PIR: variants seen among roughly 807,000 people sequenced by gnomAD.
The protein encoded by PIR is pirin, also known as pirin (iron-binding nuclear protein).
In PIR, 22 loss-of-function variants were observed where a neutral mutation model predicts 24.2. The observed-to-expected ratio is 0.91, with a 90% CI of 0.65 to 1.30. The LOEUF (loss-of-function observed/expected upper bound fraction) is 1.30. Among genes scored for constraint, PIR ranks in the 50% most tolerant of loss-of-function variants. The pLI is 0.00. For synonymous variants in PIR, 80 were observed against 79.6 expected, an observed-to-expected ratio of 1.00 and a Z score of -0.03; for missense variants, 220 against 220.3, an observed-to-expected ratio of 1.00 and a Z score of 0.01.
chrX:15,450,739 G>A (rs1201940385), intron 5 of PIR, among the ~76,000 whole-genome samples: 1 of 111,974 alleles, frequency 8.9e-6, no homozygotes, highest in South Asian at 3.7e-4. Context: ...ACCCACTGCC[G>A]TTTGCATGTG....
At chrX:15,461,184 C>A (rs982414290) in intron 3 of PIR, among the ~76,000 whole-genome samples, 2 of 111,696 alleles carry the variant, frequency 1.8e-5, no homozygotes, top group Middle Eastern at 4.2e-3. Flanking sequence ...TCCTGTTGAA[C>A]CAGCAGGGTC....
intron 5 of PIR, among the ~76,000 whole-genome samples, chrX:15,449,617 G>T (rs940213120): frequency 8.9e-6 from 1 of 111,750 alleles, no homozygotes. Flanking sequence ...AAGAAATAAT[G>T]GCCATCCAAT....
intron 5 of PIR, among the ~76,000 whole-genome samples, chrX:15,434,427 G>A (rs1309810450): frequency 9.1e-6 from 1 of 110,007 alleles, no homozygotes; most frequent in Non-Finnish European, 1.9e-5. Flanking sequence ...GGAGGAAGGA[G>A]GAGGAGGAAG....
At chrX:15,457,904 G>A (rs1347401709) in intron 4 of PIR, among the ~76,000 whole-genome samples, 1 of 112,294 alleles carries the variant, frequency 8.9e-6, no homozygotes, top group Admixed American at 9.4e-5. Flanking sequence ...GTCTATGTCT[G>A]CTTTCATGCT....
At chrX:15,491,680 T>C (rs1279318887) in intron 1 of PIR, among the ~76,000 whole-genome samples, 1 of 112,003 alleles carries the variant, frequency 8.9e-6, no homozygotes, top group East Asian at 2.8e-4. Context: ...TATAATGCCA[T>C]ATTTTTACTG....
Position 15,455,986 on chromosome X carries a change from T to C in PIR, c.342A>G (p.Leu114=), listed in dbSNP as rs754485471. Residue 114 remains leucine (L), a synonymous_variant, in exon 5 of 10, where the codon CTA becomes CTG. Transcript: ENST00000380420. ...MPCSEEPAHG[L]QLWVNLRSSE... ...AGCTCCTCAAATTAACCCACAGTTG[T>C]AGGCCATGGGCTGGCTCCTCTGAGC... 2 of 1,211,505 alleles carry C rather than the reference T, an allele frequency of 1.7e-6. No homozygotes were observed. Among genetic ancestry groups the C allele is most frequent in the Non-Finnish European group, 2.2e-6 (2 of 895,001 alleles).
intron 3 of PIR, among the ~76,000 whole-genome samples, chrX:15,477,664 A>G (rs1922266730): frequency 1.7e-5 from 1 of 59,960 alleles, no homozygotes; most frequent in Non-Finnish European, 3.0e-5. Context: ...CAGTGAAATT[A>G]CCCACACAAA....
chrX:15,468,579 C>A (rs1921723054), intron 3 of PIR, among the ~76,000 whole-genome samples: 1 of 112,065 alleles, frequency 8.9e-6, no homozygotes, highest in Non-Finnish European at 1.9e-5. Context: ...CAGCTGACAC[C>A]TTTTTATGGG....
intron 6 of PIR, among the ~76,000 whole-genome samples, chrX:15,414,023 G>A (rs1379427259): frequency 8.9e-6 from 1 of 111,982 alleles, no homozygotes; most frequent in Non-Finnish European, 1.9e-5. Context: ...TTAACATTTT[G>A]AATGAGAAAT....
intron 7 of PIR, among the ~76,000 whole-genome samples, chrX:15,405,866 G>A (rs1924535106): frequency 8.9e-6 from 1 of 112,531 alleles, no homozygotes; most frequent in South Asian, 3.6e-4. Flanking sequence ...AGGGAACTAA[G>A]CCCATTTGTA....
chrX:15,425,411 CTTTTTTT>C (rs756160029), intron 6 of PIR, among the ~76,000 whole-genome samples: 1 of 92,113 alleles, frequency 1.1e-5, no homozygotes, highest in African/African-American at 4.2e-5. Flanking sequence ...TTCTTTCTTT[CTTTTTTT>C]TTTTTTTTTT....
chrX:15,390,989 G>A (rs867748738), intron 8 of PIR, among the ~76,000 whole-genome samples: 3 of 111,425 alleles, frequency 2.7e-5, no homozygotes, highest in Non-Finnish European at 5.6e-5. Flanking sequence ...AATGTCCTCC[G>A]ATCCAGTAAT....
chrX:15,445,182 G>T (rs1024298769), intron 5 of PIR, among the ~76,000 whole-genome samples: 2 of 111,477 alleles, frequency 1.8e-5, no homozygotes, highest in Non-Finnish European at 3.8e-5. Context: ...AAGGCAGTGG[G>T]ACAGAAGAGC....
chrX:15,470,829 C>G (rs1454105553), intron 3 of PIR, among the ~76,000 whole-genome samples: 3 of 111,215 alleles, frequency 2.7e-5, no homozygotes, highest in Non-Finnish European at 1.9e-5. Context: ...TCTTGAACTC[C>G]TGACCTCAAG....
At chrX:15,399,502 A>C (rs1924307855) in intron 7 of PIR, among the ~76,000 whole-genome samples, 1 of 111,717 alleles carries the variant, frequency 9.0e-6, no homozygotes, top group African/African-American at 3.3e-5. Context: ...CTATGGATAC[A>C]ATTCAGGGCA....
At chrX:15,464,454 G>T (rs1198435850) in intron 3 of PIR, 1 of 744,569 alleles carries the variant, frequency 1.3e-6, no homozygotes, top group Non-Finnish European at 1.6e-6. Context: ...TTACATAGAC[G>T]CTGATGAATA....
At chrX:15,436,291 T>C (rs1048984861) in intron 5 of PIR, among the ~76,000 whole-genome samples, 2 of 111,776 alleles carry the variant, frequency 1.8e-5, no homozygotes, top group African/African-American at 6.5e-5. Context: ...TTTCTCACCT[T>C]TTATTTATGG....
chrX:15,419,922 G>A (rs1258618601), intron 6 of PIR, among the ~76,000 whole-genome samples: 1 of 103,424 alleles, frequency 9.7e-6, no homozygotes, highest in Admixed American at 1.1e-4. Context: ...TTTGAGGCTG[G>A]GCGCAGTGGC....
chrX:15,484,315 T>C (rs1167987221), intron 2 of PIR, among the ~76,000 whole-genome samples: 7 of 83,109 alleles, frequency 8.4e-5, no homozygotes, highest in African/African-American at 2.3e-4. Flanking sequence ...TCTTTTTTTT[T>C]TTTTTTTTTT....
Sources: gnomAD v4.1 joint callset for allele counts (sites outside exome capture counted in the v4.1 genomes callset) on GRCh38, gnomAD v4.1.1 for gene constraint, MANE v1.5 for transcripts, NCBI Gene and HGNC (gene_info 2026-07-23, HGNC 2026-07-21) for gene names.